CTPS1: variants seen among roughly 807,000 people sequenced by gnomAD.
CTPS1 encodes the protein CTP synthetase 1.
A neutral mutation model predicts 80.5 loss-of-function variants in CTPS1; 25 were observed. That is an observed-to-expected ratio of 0.31 (90% CI 0.23 to 0.43). The LOEUF is 0.43. CTPS1 is among the 20% of genes least tolerant of loss of function. The pLI, the probability that CTPS1 is intolerant of heterozygous loss-of-function variation, is 1.00. For synonymous variants in CTPS1, 267 were observed against 252.5 expected, an observed-to-expected ratio of 1.06 and a Z score of -0.54; for missense variants, 442 against 725.7, an observed-to-expected ratio of 0.61 and a Z score of 4.49.
chr1:41,001,104 C>T lies in CTPS1; in HGVS notation c.1081C>T (p.Leu361Phe). ...GCGCTACCACGAAGCTTGGCAGAAG[C>T]TCTGTAGTGCTCAGTGAGTAGAGTT... ...PVRYHEAWQK[L>F]CSAHGVLVPG... Residue 361 changes from leucine (L) to phenylalanine (F), a missense_variant, in exon 10 of 19, where the codon CTC (leucine) becomes TTC (phenylalanine). Leu to Phe is a conservative substitution (Grantham distance 22). This residue lies in a region of CTPS1 where 321 missense variants were observed against 467.2 expected (regional missense o/e 0.69). Coordinates refer to ENST00000650070, the MANE Select transcript of CTPS1 (RefSeq NM_001905.4). The T allele has an allele frequency of 6.2e-7, 1 of 1,608,910 alleles. No individual in the cohort carries two copies.
intron 3 of CTPS1, among the ~76,000 whole-genome samples, chr1:40,985,598 G>A (rs1245721451): frequency 6.6e-6 from 1 of 152,106 alleles, no homozygotes; most frequent in Non-Finnish European, 1.5e-5. Flanking sequence ...TACTGATCTA[G>A]TATAATGGCA....
In CTPS1 at chr1:41,007,298, AG is replaced by A; in HGVS notation, c.1297-149del. The A allele has an allele frequency of 1.1e-5, 7 of 661,452 alleles. No homozygotes were observed. Among genetic ancestry groups the A allele is most frequent in the Non-Finnish European group, 7.8e-6 (3 of 384,136 alleles). The allele number at this position is 661,452 out of a possible 1,614,324, so 41.0% of individuals were successfully genotyped here. On this transcript the variant is annotated intron_variant, in intron 13 of 18. Transcript: ENST00000650070. This position sits in a 1 kb window ranked among gnomAD's most constrained non-coding sequence, Gnocchi z 4.4. ...ACCGAGGTTACAAATGCCAACTGGG[AG>A]GCATTTTCTTCTGTGACAAAATGTC...
At chr1:40,985,637 A>G (rs1201408044) in intron 3 of CTPS1, among the ~76,000 whole-genome samples, 2 of 152,110 alleles carry the variant, frequency 1.3e-5, no homozygotes, top group African/African-American at 4.8e-5. Flanking sequence ...GGTTGCTGAA[A>G]AGTGGCTTTA....
At chr1:40,986,044 C>T (rs1318439043) in intron 3 of CTPS1, among the ~76,000 whole-genome samples, 3 of 152,254 alleles carry the variant, frequency 2.0e-5, no homozygotes, top group Non-Finnish European at 4.4e-5. Flanking sequence ...ATGCTCACTG[C>T]AGTCAGACCC....
rs1570981846 is a variant in CTPS1 at position 41,007,387 on chromosome 1, G to A, written c.1297-62G>A. 2 of 1,418,972 alleles carry A rather than the reference G, an allele frequency of 1.4e-6. No individual in the cohort carries two copies. Among genetic ancestry groups the A allele is most frequent in the East Asian group, 2.3e-5 (1 of 43,884 alleles). The allele number at this position is 1,418,972 out of a possible 1,614,324, so 87.9% of individuals were successfully genotyped here. On this transcript the variant is annotated intron_variant, in intron 13 of 18. Transcript: ENST00000650070. The surrounding 1 kb of genome is among the most constrained non-coding windows in gnomAD (Gnocchi z 4.4). ...AGCCTTTGCCACCCACTCAGCGAGG[G>A]AGGTTTCTCTCTAGCGGAAGCAGAG...
At chr1:40,998,345 C>T (rs1164310291) in intron 9 of CTPS1, among the ~76,000 whole-genome samples, 1 of 145,400 alleles carries the variant, frequency 6.9e-6, no homozygotes, top group Non-Finnish European at 1.5e-5. Context: ...TTGCAGTGAG[C>T]CGAGATTGCA....
intron 5 of CTPS1, among the ~76,000 whole-genome samples, chr1:40,990,633 G>A (rs7535802): frequency 0.36 from 53,692 of 150,408 alleles, 10,416 homozygotes; most frequent in Admixed American, 0.5. Flanking sequence ...TAAAAAAAAA[G>A]AAAAAGTCCA....
Position 41,007,689 on chromosome 1 carries a change from C to CCATGAAT in CTPS1, c.1393+144_1393+145insCATGAAT, listed in dbSNP as rs1181824567. 1.5e-5 allele frequency: 10 copies of CCATGAAT among 663,182 alleles called. No individual in the cohort carries two copies. The highest frequency in any genetic ancestry group is 2.4e-5 in the Non-Finnish European group (9 of 379,146). The allele number at this position is 663,182 out of a possible 1,614,324, so 41.1% of individuals were successfully genotyped here. On this transcript the variant is annotated intron_variant, in intron 14 of 18. Transcript: ENST00000650070. This position sits in a 1 kb window ranked among gnomAD's most constrained non-coding sequence, Gnocchi z 4.4. ...GAAGTTCATTCTTTCCTCTCTTATT[C>CCATGAAT]ATACCCTTTTAGGATGCACTGTGAT...
intron 8 of CTPS1, among the ~76,000 whole-genome samples, chr1:40,996,802 A>G (rs1316806087): frequency 6.6e-6 from 1 of 152,162 alleles, no homozygotes; most frequent in Non-Finnish European, 1.5e-5. Context: ...CTGTTATTAT[A>G]TTTTACAATG....
intron 12 of CTPS1, among the ~76,000 whole-genome samples, chr1:41,005,214 G>A (rs899961690): frequency 1.3e-5 from 2 of 151,732 alleles, no homozygotes; most frequent in African/African-American, 4.8e-5. Context: ...GGAGGCCGAG[G>A]CAGGCAGATC....
At position 41,002,146 on chromosome 1, in the gene CTPS1, G is replaced by C; in HGVS notation, c.1095-14G>C. ...AAAAGGGGAATTGCCTTTGTGGTTT[G>C]TTCTTTTGTGCAGTGGAGTGCTGGT... On this transcript the variant is annotated splice_polypyrimidine_tract_variant and intron_variant, in intron 10 of 18. Coordinates refer to ENST00000650070, the MANE Select transcript of CTPS1 (RefSeq NM_001905.4). The C allele has an allele frequency of 6.2e-7, 1 of 1,613,540 alleles. No homozygotes were observed. The highest frequency in any genetic ancestry group is 8.5e-7 in the Non-Finnish European group (1 of 1,179,478).
chr1:41,002,556 C>T (rs1642929082), intron 11 of CTPS1, among the ~76,000 whole-genome samples: 1 of 152,212 alleles, frequency 6.6e-6, no homozygotes, highest in South Asian at 2.1e-4. Flanking sequence ...TATCTGCTCA[C>T]TTGGCACAAC....
rs905094757 is a variant in CTPS1 at position 40,983,171 on chromosome 1, C to T, written c.-13-107C>T. 8.8e-5 allele frequency: 78 copies of T among 882,244 alleles called. 3 individuals are homozygous for T. In the South Asian group the frequency reaches 1.0e-3, roughly 12 times the overall value. 54.7% of individuals were successfully genotyped at this position (882,244 alleles called of 1,614,324 possible). ...AAGTCCTGTGACAGAGAAACTGAGG[C>T]TTCAAGAGGGTTCATAGCTAATAAT... is the stretch of plus-strand genomic sequence containing the variant. On this transcript the variant is annotated intron_variant, in intron 1 of 18. Transcript: ENST00000650070.
chr1:41,009,467 TCAG>T lies in CTPS1; in HGVS notation c.1570_1572del (p.Gln524del). On this transcript the variant is annotated inframe_deletion, in exon 17 of 19. Transcript: ENST00000650070. ...CAGATCATCCCTTTTTTGTTGGGGT[TCAG>T]TACCACCCTGAGTTCCTGTCCAGGC... The T allele has an allele frequency of 6.3e-7, 1 of 1,597,188 alleles. No individual in the cohort carries two copies. Among genetic ancestry groups the T allele is most frequent in the Non-Finnish European group, 8.5e-7 (1 of 1,173,744 alleles).
In CTPS1 at chr1:40,983,440, C is replaced by T; in HGVS notation, c.150C>T (p.Phe50=). 1.2e-5 allele frequency: 20 copies of T among 1,613,198 alleles called. No individual in the cohort carries two copies. The highest frequency in any genetic ancestry group is 1.7e-5 in the Non-Finnish European group (20 of 1,179,426). The part of the protein sequence containing the change: ...DPYINIDAGT[F]SPYEHGEVFV... Reference sequence around the variant, plus strand: ...ACATTAACATTGATGCAGGAACATTCTCTCCTTATGAGCATGGTAAGCACA... The same window carrying T: ...ACATTAACATTGATGCAGGAACATTTTCTCCTTATGAGCATGGTAAGCACA... The change falls in exon 2 of 19, where the codon TTC becomes TTT. Residue 50 remains phenylalanine (F), a synonymous_variant. Transcript: ENST00000650070.
At chr1:41,002,982 T>C (rs1642940902) in intron 11 of CTPS1, 132 bp from the exon 12 acceptor site, 1 of 807,606 alleles carries the variant, frequency 1.2e-6, no homozygotes, top group Non-Finnish European at 2.1e-6. Context: ...TACTTGTTCA[T>C]AGCAGGAAGT....
chr1:40,994,355 G>C (rs1642699974), intron 7 of CTPS1, among the ~76,000 whole-genome samples: 3 of 152,018 alleles, frequency 2.0e-5, no homozygotes, highest in Admixed American at 1.3e-4. Flanking sequence ...ACTATCCTTG[G>C]ATACTATTCT....
chr1:40,993,772 C>CT (rs1558146866), intron 7 of CTPS1, among the ~76,000 whole-genome samples: 1 of 118,312 alleles, frequency 8.5e-6, no homozygotes, highest in African/African-American at 2.8e-5. Context: ...ATTTTCTTCT[C>CT]TCTTTTTTTT....
intron 18 of CTPS1, among the ~76,000 whole-genome samples, chr1:41,010,607 T>C (rs560861177): frequency 1.9e-4 from 29 of 152,284 alleles, no homozygotes; most frequent in African/African-American, 6.5e-4. Context: ...TTAGACCCTA[T>C]TGTTTGATGT....
Sources: allele counts gnomAD v4.1 joint callset (sites outside exome capture counted in the v4.1 genomes callset), GRCh38; gene constraint gnomAD v4.1.1; regional missense constraint gnomAD v4.1.1; non-coding constraint Gnocchi (gnomAD v3.1); transcripts MANE v1.5; gene names NCBI Gene and HGNC (gene_info 2026-07-23, HGNC 2026-07-21).